The following VGLL4 variants were observed in gnomAD, a reference collection of about 807,000 sequenced individuals.
VGLL4 encodes vestigial like family member 4, also known as transcription cofactor vestigial-like protein 4.
A neutral mutation model predicts 21.0 loss-of-function variants in VGLL4; 7 were observed. The ratio of observed to expected loss-of-function variants is 0.33; its 90% CI spans 0.19 to 0.63. The LOEUF is 0.63. VGLL4 is among the 20% of genes least tolerant of loss of function. VGLL4 has a pLI of 0.78. For missense variants in VGLL4, 394 were observed against 425.7 expected, an observed-to-expected ratio of 0.93 and a Z score of 0.66; for synonymous variants, 222 against 173.2, an observed-to-expected ratio of 1.28 and a Z score of -2.21.
chr3:11,562,543 T>G (rs2073114114), intron 3 of VGLL4, among the ~76,000 whole-genome samples: 1 of 152,184 alleles, frequency 6.6e-6, no homozygotes, highest in Non-Finnish European at 1.5e-5. Flanking sequence ...CCCAACAGAC[T>G]TCCAGGAAGA....
At chr3:11,691,524 C>T (rs966169606) in intron 2 of VGLL4, among the ~76,000 whole-genome samples, 1 of 152,158 alleles carries the variant, frequency 6.6e-6, no homozygotes. Flanking sequence ...TTTCAAGCTC[C>T]CAACGTGATG....
At position 11,667,659 on chromosome 3, in the gene VGLL4, G is replaced by T. The variant is rs114655573; in HGVS notation, c.64+35312C>A. Among the ~76,000 whole-genome samples, 884 of 152,078 alleles carry T rather than the reference G, an allele frequency of 5.8e-3. 10 individuals carry two copies. Among genetic ancestry groups the T allele is most frequent in the African/African-American group, 0.02 (842 of 41,466 alleles). ...CAAAACACATGTGTAGAAGACCATG[G>T]AAAGCGACCAAACATCAAAGCCATC... On this transcript the variant is annotated intron_variant, in intron 2 of 5. Transcript: ENST00000273038.
chr3:11,627,703 G>A, intron 1 of VGLL4, among the ~76,000 whole-genome samples: 1 of 151,862 alleles, frequency 6.6e-6, no homozygotes, highest in Admixed American at 6.6e-5. Context: ...AGATGTGTAG[G>A]TTGTTACATT....
chr3:11,615,613 T>A (rs2075147431), intron 1 of VGLL4, among the ~76,000 whole-genome samples: 2 of 152,212 alleles, frequency 1.3e-5, no homozygotes. Flanking sequence ...GGGGTGTGAA[T>A]CCTGTCATTG....
intron 2 of VGLL4, among the ~76,000 whole-genome samples, chr3:11,574,783 ATATGTGTG>A (rs1448421813): frequency 2.5e-3 from 275 of 111,846 alleles, no homozygotes; most frequent in South Asian, 7.0e-3. Flanking sequence ...ATTCAACTAT[ATATGTGTG>A]TGTGTGTGTG....
chr3:11,711,824 C>T lies in VGLL4; in HGVS notation c.-14+8570G>A, dbSNP rs188216917. Among the ~76,000 whole-genome samples the T allele has an allele frequency of 4.6e-5, 7 of 152,288 alleles. No individual in the cohort carries two copies. The East Asian group carries it at 1.4e-3, about 29-fold the overall frequency. ...GAAAAGTAAACTCCCTGCCCTTGAG[C>T]ACCGTACACCAAATATGGATGATAC... On this transcript the variant is annotated intron_variant, in intron 1 of 5. Transcript: ENST00000273038.
chr3:11,614,754 A>C (rs573367860), intron 1 of VGLL4, among the ~76,000 whole-genome samples: 1 of 152,348 alleles, frequency 6.6e-6, no homozygotes, highest in African/African-American at 2.4e-5. Context: ...CAGTGGAAGC[A>C]GCATTAGGGA....
At chr3:11,583,804 G>A (rs1233892995) in intron 2 of VGLL4, among the ~76,000 whole-genome samples, 1 of 152,142 alleles carries the variant, frequency 6.6e-6, no homozygotes, top group Non-Finnish European at 1.5e-5. Context: ...GCCTAGTTAA[G>A]TTCCTCTCTA....
intron 1 of VGLL4, among the ~76,000 whole-genome samples, chr3:11,628,903 T>C (rs1441698020): frequency 6.6e-6 from 1 of 152,170 alleles, no homozygotes; most frequent in African/African-American, 2.4e-5. Flanking sequence ...ACCAAACAAT[T>C]GCCAAAGATT....
At chr3:11,689,479 C>T (rs1462908270) in intron 2 of VGLL4, among the ~76,000 whole-genome samples, 1 of 152,212 alleles carries the variant, frequency 6.6e-6, no homozygotes, top group Admixed American at 6.5e-5. Flanking sequence ...CATGAACTTT[C>T]TTGTTCTAAA....
rs76586455 is a variant in VGLL4 at position 11,593,295 on chromosome 3, A to G, written c.272+8538T>C. On this transcript the variant is annotated intron_variant, in intron 2 of 4. Transcript: ENST00000430365. ...GTTGCCAAAGATTTTACATCCAGAT[A>G]CCAAAAACTACAGATACTGCAGAAC... Among the ~76,000 whole-genome samples the G allele has an allele frequency of 6.2e-3, 944 of 152,328 alleles. 8 individuals are homozygous for G. Among genetic ancestry groups the G allele is most frequent in the African/African-American group, 0.021 (869 of 41,578 alleles).
At chr3:11,579,325 T>A (rs771640063) in intron 2 of VGLL4, among the ~76,000 whole-genome samples, 2 of 151,966 alleles carry the variant, frequency 1.3e-5, no homozygotes, top group Non-Finnish European at 1.5e-5. Context: ...ACTGCTTTAC[T>A]GACAATGGAC....
upstream of VGLL4, among the ~76,000 whole-genome samples, chr3:11,647,976 A>G (rs527957800): frequency 1.5e-5 from 2 of 130,862 alleles, no homozygotes; most frequent in Admixed American, 8.0e-5. Context: ...TCAGGGTACA[A>G]TCAGCTCATC....
chr3:11,590,905 A>G (rs1233401585), intron 2 of VGLL4, among the ~76,000 whole-genome samples: 1 of 152,204 alleles, frequency 6.6e-6, no homozygotes, highest in Non-Finnish European at 1.5e-5. Context: ...ACACCTAGCC[A>G]AATTTGTTAG....
intron 2 of VGLL4, among the ~76,000 whole-genome samples, chr3:11,595,297 C>T (rs2074608880): frequency 6.6e-6 from 1 of 152,176 alleles, no homozygotes. Context: ...TACCATCTCA[C>T]ACCAGTTAGA....
At chr3:11,670,094 G>A (rs560871942) in intron 2 of VGLL4, among the ~76,000 whole-genome samples, 4 of 151,784 alleles carry the variant, frequency 2.6e-5, no homozygotes, top group African/African-American at 9.7e-5. Flanking sequence ...AGGAGGGTGC[G>A]GGGAACATGT....
intron 2 of VGLL4, among the ~76,000 whole-genome samples, chr3:11,656,112 G>A (rs368293194): frequency 3.4e-4 from 52 of 152,216 alleles, no homozygotes; most frequent in African/African-American, 1.2e-3. Flanking sequence ...GATGATCAAA[G>A]TATGATTTCC....
chr3:11,583,890 G>A (rs1004455785), intron 2 of VGLL4, among the ~76,000 whole-genome samples: 8 of 152,172 alleles, frequency 5.3e-5, no homozygotes, highest in African/African-American at 1.2e-4. Context: ...GAGAGGTTTG[G>A]GGGGATGGAC....
rs144236743 is a variant in VGLL4 at position 11,617,629 on chromosome 3, C to T, written c.83-15607G>A. Reference sequence around the variant, plus strand: ...AGCTGGTATTCCAGCTAGTATTATACATTGACCTGATCTTTCCGAAACAGG... The same window carrying T: ...AGCTGGTATTCCAGCTAGTATTATATATTGACCTGATCTTTCCGAAACAGG... On this transcript the variant is annotated intron_variant, in intron 1 of 4. Coordinates refer to ENST00000430365, the MANE Select transcript of VGLL4 (RefSeq NM_001128219.3). Among the ~76,000 whole-genome samples, 34 of 152,312 alleles carry T rather than the reference C, an allele frequency of 2.2e-4. 1 individual carries two copies. The highest frequency in any genetic ancestry group is 1.9e-4 in the East Asian group (1 of 5,186).
Sources: allele counts gnomAD v4.1 joint callset (sites outside exome capture counted in the v4.1 genomes callset), GRCh38; gene constraint gnomAD v4.1.1; transcripts MANE v1.5; gene names NCBI Gene and HGNC (gene_info 2026-07-23, HGNC 2026-07-21).